Variants in COL4A6 observed in about 807,000 individuals in gnomAD.
The protein encoded by COL4A6 is collagen alpha-6(IV) chain.
Under a neutral mutation model 126.7 loss-of-function variants are expected in COL4A6, and 59 were observed. The observed-to-expected ratio is 0.47, with a 90% CI of 0.38 to 0.58. The LOEUF is 0.58. Ranked by LOEUF, COL4A6 falls within the 20% of genes least tolerant of loss-of-function variation. The probability of loss-of-function intolerance (pLI) is 0.00; values close to 1 mark genes in which losing one functional copy is unlikely to be tolerated. For synonymous variants in COL4A6, 547 were observed against 496.6 expected (o/e 1.10, Z -1.35); for missense variants, 1,285 against 1,337.3 (o/e 0.96, Z 0.61).
chrX:108,360,534 C>CT (rs5903322), intron 2 of COL4A6, among the ~76,000 whole-genome samples: 189 of 84,251 alleles, frequency 2.2e-3, no homozygotes, highest in South Asian at 5.4e-3. Flanking sequence ...ACACTTTAAC[C>CT]TTTTTTTTTT....
chrX:108,346,752 TA>T (rs758847342), intron 2 of COL4A6, among the ~76,000 whole-genome samples: 1 of 112,584 alleles, frequency 8.9e-6, no homozygotes, highest in African/African-American at 3.2e-5. Context: ...CTTCTAATAT[TA>T]AACATTTAAA....
chrX:108,324,146 G>T (rs1444328009), intron 2 of COL4A6, among the ~76,000 whole-genome samples: 1 of 112,328 alleles, frequency 8.9e-6, no homozygotes, highest in African/African-American at 3.2e-5. Context: ...GAAGGGTTGG[G>T]ATTCCAGGAC....
At chrX:108,296,403 T>A (rs1273124059) in intron 3 of COL4A6, among the ~76,000 whole-genome samples, 1 of 111,618 alleles carries the variant, frequency 9.0e-6, no homozygotes, top group Non-Finnish European at 1.9e-5. Context: ...TGAAAATGGG[T>A]AGGGTATGAC....
intron 40 of COL4A6, 111 bp from the exon 41 acceptor site, chrX:108,163,149 T>C: frequency 1.5e-6 from 1 of 652,469 alleles, no homozygotes; most frequent in Non-Finnish European, 2.3e-6. Context: ...ATCCTGTTTG[T>C]CCCCACAGGA....
chrX:108,385,287 CT>C (rs1482160816), intron 2 of COL4A6, among the ~76,000 whole-genome samples: 1 of 107,983 alleles, frequency 9.3e-6, no homozygotes, highest in East Asian at 3.0e-4. Flanking sequence ...ATAGGAATTA[CT>C]TTGACAAAAA....
intron 3 of COL4A6, among the ~76,000 whole-genome samples, chrX:108,241,099 A>G (rs1394187925): frequency 9.0e-6 from 1 of 111,002 alleles, no homozygotes; most frequent in Non-Finnish European, 1.9e-5. Flanking sequence ...CCCTATAAAT[A>G]TCATATAATT....
Position 108,206,499 on chromosome X carries a change from A to G in COL4A6, c.609+19T>C, listed in dbSNP as rs367902503. 1 of 1,196,707 alleles carries G rather than the reference A, an allele frequency of 8.4e-7. No individual in the cohort carries two copies. Among genetic ancestry groups the G allele is most frequent in the East Asian group, 3.0e-5 (1 of 33,731 alleles). On this transcript the variant is annotated intron_variant, in intron 9 of 44. Coordinates refer to ENST00000334504, the MANE Select transcript of COL4A6 (RefSeq NM_033641.4). Reference sequence around the variant, plus strand: ...CATGTGAACACTGTGATCACAAACTAGGCTTAAATTGATCTTACTTGTAAT... The same window carrying G: ...CATGTGAACACTGTGATCACAAACTGGGCTTAAATTGATCTTACTTGTAAT...
At chrX:108,325,191 C>G (rs1339262131) in intron 2 of COL4A6, among the ~76,000 whole-genome samples, 1 of 112,061 alleles carries the variant, frequency 8.9e-6, no homozygotes, top group Admixed American at 9.5e-5. Context: ...GTTCAAACTC[C>G]AGTTTAAACT....
In COL4A6 at chrX:108,355,196, C is replaced by T. The variant is rs191951226; in HGVS notation, c.64-44368G>A. On this transcript the variant is annotated intron_variant, in intron 2 of 44. Transcript: ENST00000334504. The stretch of plus-strand genomic sequence containing the variant: ...CTATCGGGTACCCATTTTGCAAGGA[C>T]CACTGTAGGAAACACTGGCATTACA... Among the ~76,000 whole-genome samples the T allele has an allele frequency of 5.4e-5, 6 of 111,774 alleles. No individual in the cohort carries two copies. In the East Asian group the frequency reaches 1.7e-3, roughly 32 times the overall value.
chrX:108,323,839 C>T (rs1480420863), intron 2 of COL4A6, among the ~76,000 whole-genome samples: 6 of 111,986 alleles, frequency 5.4e-5, no homozygotes, highest in Admixed American at 9.5e-5. Context: ...GAAACTGTGG[C>T]AATAGTTTTC....
chrX:108,160,661 G>A lies in COL4A6; in HGVS notation c.4334-7C>T. 1 of 1,195,071 alleles carries A rather than the reference G, an allele frequency of 8.4e-7. No homozygotes were observed. Among genetic ancestry groups the A allele is most frequent in the South Asian group, 1.9e-5 (1 of 53,749 alleles). On this transcript the variant is annotated splice_region_variant and splice_polypyrimidine_tract_variant and intron_variant, in intron 42 of 44. Coordinates refer to ENST00000334504, the MANE Select transcript of COL4A6 (RefSeq NM_033641.4). ...CCTTGCTGCCCTGGAGCTCCTGAGA[G>A]AGACAGATCATAAAAGGTGAGTGTG...
At chrX:108,351,201 G>A (rs1371673215) in intron 2 of COL4A6, among the ~76,000 whole-genome samples, 1 of 110,912 alleles carries the variant, frequency 9.0e-6, no homozygotes, top group East Asian at 2.8e-4. Flanking sequence ...TCATTACTAA[G>A]GTGAAATTAA....
At chrX:108,392,670 T>C (rs900445233) in intron 2 of COL4A6, among the ~76,000 whole-genome samples, 4 of 111,221 alleles carry the variant, frequency 3.6e-5, no homozygotes, top group Non-Finnish European at 7.5e-5. Flanking sequence ...GGTAAGGATA[T>C]TAGGAATTAG....
intron 3 of COL4A6, among the ~76,000 whole-genome samples, chrX:108,305,998 A>T (rs1395198429): frequency 8.9e-6 from 1 of 112,207 alleles, no homozygotes; most frequent in African/African-American, 3.2e-5. Context: ...CATTTTATGG[A>T]TGGTGGCTGA....
In COL4A6 at chrX:108,279,603, G is replaced by C. The variant is rs780057398; in HGVS notation, c.144+31145C>G. ...GATCAACGAGACAGAGAGTTAATAA[G>C]GATACCCAGGAATTGAACTCAGCTC... On this transcript the variant is annotated intron_variant, in intron 3 of 44. Coordinates refer to ENST00000334504, the MANE Select transcript of COL4A6 (RefSeq NM_033641.4). Among the ~76,000 whole-genome samples the C allele has an allele frequency of 9.9e-5, 11 of 111,302 alleles. No individual in the cohort carries two copies. In the East Asian group the frequency reaches 3.1e-3, roughly 31 times the overall value.
intron 2 of COL4A6, among the ~76,000 whole-genome samples, chrX:108,417,710 T>C (rs187749269): frequency 8.9e-6 from 1 of 112,178 alleles, no homozygotes; most frequent in Non-Finnish European, 1.9e-5. Context: ...TTTACTTACA[T>C]AGTATGAAAA....
chrX:108,174,617 G>C lies in COL4A6; in HGVS notation c.2961C>G (p.Asp987Glu), dbSNP rs1490678921. Residue 987 changes from aspartate (D) to glutamate (E), a missense_variant, in exon 31 of 45, where the codon GAC (aspartate) becomes GAG (glutamate). Asp to Glu is a conservative substitution (Grantham distance 45). Coordinates refer to ENST00000334504, the MANE Select transcript of COL4A6 (RefSeq NM_033641.4). The stretch of plus-strand genomic sequence containing the variant: ...GTCCAGGTCGACCAGCCTCTCCTTT[G>C]TCACCTGTAAAAGAAATAAAAAGAC... ...GSNGFPGPRG[D>E]KGEAGRPGPP... is the part of the protein sequence containing the mutation. 2 of 1,156,421 alleles carry C rather than the reference G, an allele frequency of 1.7e-6. No homozygotes were observed. The highest frequency in any genetic ancestry group is 2.9e-5 in the Admixed American group (1 of 34,224).
chrX:108,286,684 G>A (rs1276068006), intron 3 of COL4A6, among the ~76,000 whole-genome samples: 2 of 111,066 alleles, frequency 1.8e-5, no homozygotes, highest in African/African-American at 6.6e-5. Context: ...TGATCCTCCA[G>A]CCTCAGCCTC....
intron 2 of COL4A6, among the ~76,000 whole-genome samples, chrX:108,426,666 CT>C (rs1187566371): frequency 8.9e-6 from 1 of 111,935 alleles, no homozygotes; most frequent in Admixed American, 9.5e-5. Context: ...AATTAAACAA[CT>C]TTTTTTTCCT....
Sources: allele counts gnomAD v4.1 joint callset (sites outside exome capture counted in the v4.1 genomes callset), GRCh38; gene constraint gnomAD v4.1.1; transcripts MANE v1.5; gene names NCBI Gene and HGNC (gene_info 2026-07-23, HGNC 2026-07-21).